Variants in GPR143 observed in about 807,000 individuals in gnomAD.
GPR143 encodes G-protein coupled receptor 143.
Under a neutral mutation model 27.6 loss-of-function variants are expected in GPR143, and 8 were observed. The observed-to-expected ratio is 0.29, with a 90% CI of 0.17 to 0.52. GPR143 has a LOEUF of 0.52. Ranked by LOEUF, GPR143 falls within the 20% of genes least tolerant of loss-of-function variation. The probability of loss-of-function intolerance (pLI) is 0.96; values close to 1 mark genes in which losing one functional copy is unlikely to be tolerated. For missense variants in GPR143, 303 were observed against 343.1 expected (o/e 0.88, Z 0.92); for synonymous variants, 156 against 153.2 (o/e 1.02, Z -0.13).
chrX:9,753,832 G>A (rs1298464600), intron 3 of GPR143, among the ~76,000 whole-genome samples: 1 of 112,054 alleles, frequency 8.9e-6, no homozygotes, highest in East Asian at 2.8e-4. Flanking sequence ...AGAAACAGCA[G>A]CTACTACATG....
chrX:9,754,376 G>A (rs953236949), intron 3 of GPR143, among the ~76,000 whole-genome samples: 3 of 111,659 alleles, frequency 2.7e-5, no homozygotes, highest in Non-Finnish European at 5.7e-5. Flanking sequence ...GGTGAGGGTT[G>A]GGGGTATGTC....
intron 6 of GPR143, 151 bp from the exon 7 acceptor site, chrX:9,741,606 G>T: frequency 6.9e-6 from 3 of 433,470 alleles, no homozygotes; most frequent in Non-Finnish European, 1.3e-5. Context: ...AACTAAGAGG[G>T]CCAGGTGCAA....
chrX:9,749,233 C>CCCT (rs1555914973), intron 3 of GPR143, among the ~76,000 whole-genome samples: 24 of 105,424 alleles, frequency 2.3e-4, no homozygotes, highest in African/African-American at 8.3e-4. Context: ...CCCTCCCCCC[C>CCCT]CAACCCCCTC....
Position 9,746,090 on chromosome X carries a change from C to T in GPR143, c.612G>A (p.Leu204=). The T allele has an allele frequency of 3.3e-6, 4 of 1,204,711 alleles. No homozygotes were observed. Among genetic ancestry groups the T allele is most frequent in the Non-Finnish European group, 4.5e-6 (4 of 889,113 alleles). ...HYVTMYLPLL[L]VLVANPILFQ... ...ACAGGATGGGGTTCGCCACGAGAAC[C>T]AGCAGCAGGGGCAGGTACATGGTGA... is the stretch of plus-strand genomic sequence containing the variant. Residue 204 remains leucine (L), a synonymous_variant, in exon 5 of 9, where the codon CTG becomes CTA. Transcript: ENST00000467482.
At chrX:9,764,526 A>G (rs979963750) in intron 1 of GPR143, among the ~76,000 whole-genome samples, 3 of 108,457 alleles carry the variant, frequency 2.8e-5, no homozygotes, top group African/African-American at 1.0e-4. Flanking sequence ...ACACACACAC[A>G]CACACACACA....
At chrX:9,765,155 A>G (rs1230316658) in intron 1 of GPR143, among the ~76,000 whole-genome samples, 2 of 112,448 alleles carry the variant, frequency 1.8e-5, no homozygotes, top group Non-Finnish European at 3.8e-5. Flanking sequence ...TCACCCGGGC[A>G]CCGATCAAGT....
Position 9,765,567 on chromosome X carries a change from C to A in GPR143, c.250+1G>T, listed in dbSNP as rs2146705592. On this transcript the variant is annotated splice_donor_variant, in intron 1 of 8. Coordinates refer to ENST00000467482, the MANE Select transcript of GPR143 (RefSeq NM_000273.3). LOFTEE classifies it high-confidence loss of function. ...AACCCGCGGGCCGCGCGCGCCCTTA[C>A]CCAGGCAGCCGAGAAGGTCGCAGGC... The A allele has an allele frequency of 9.3e-7, 1 of 1,079,807 alleles. No individual in the cohort carries two copies. 89.0% of individuals were successfully genotyped at this position (1,079,807 alleles called of 1,213,427 possible).
chrX:9,731,685 C>T (rs1037796437), intron 8 of GPR143, among the ~76,000 whole-genome samples: 2 of 107,215 alleles, frequency 1.9e-5, no homozygotes, highest in African/African-American at 6.8e-5. Flanking sequence ...GTGAGGAATA[C>T]AAAACATCAT....
chrX:9,730,581 G>A (rs1185438293), intron 8 of GPR143, among the ~76,000 whole-genome samples: 1 of 111,948 alleles, frequency 8.9e-6, no homozygotes, highest in Non-Finnish European at 1.9e-5. Flanking sequence ...CAATTCTTGG[G>A]CAGTGTCTCA....
At chrX:9,773,874 A>G (rs1004396820) in intron 1 of GPR143, among the ~76,000 whole-genome samples, 1 of 111,557 alleles carries the variant, frequency 9.0e-6, no homozygotes, top group Non-Finnish European at 1.9e-5. Flanking sequence ...CATAATAATA[A>G]TAAAGAATTT....
intron 6 of GPR143, among the ~76,000 whole-genome samples, chrX:9,742,297 C>T (rs184444521): frequency 9.0e-6 from 1 of 111,576 alleles, no homozygotes; most frequent in East Asian, 2.8e-4. Context: ...GAGACAAGGT[C>T]TCGCTCTGTC....
At chrX:9,743,347 T>G (rs2083413141) in intron 6 of GPR143, among the ~76,000 whole-genome samples, 1 of 110,336 alleles carries the variant, frequency 9.1e-6, no homozygotes, top group African/African-American at 3.3e-5. Context: ...TATATATAAT[T>G]TGAGTAGATT....
At chrX:9,742,198 A>T (rs1386320628) in intron 6 of GPR143, among the ~76,000 whole-genome samples, 1 of 111,974 alleles carries the variant, frequency 8.9e-6, no homozygotes, top group Admixed American at 9.5e-5. Context: ...AACTGAGTGT[A>T]TTTTTAGTAG....
At chrX:9,769,583 T>G (rs2083546286), upstream of GPR143, among the ~76,000 whole-genome samples, 2 of 111,657 alleles carry the variant, frequency 1.8e-5, no homozygotes, top group Admixed American at 9.6e-5. Context: ...TAAATAAGAT[T>G]TGTTTATTTA....
Position 9,763,119 on chromosome X carries a change from G to A in GPR143, c.251-2293C>T, listed in dbSNP as rs111405279. ...TTTTTGTTGTTTTTTTTTTCTTGGG[G>A]GTAGAGCCTGGGTCTCGTTACGTTG... On this transcript the variant is annotated intron_variant, in intron 1 of 8. Transcript: ENST00000467482. 4.6e-3 allele frequency among the ~76,000 whole-genome samples: 504 copies of A among 108,402 alleles called. 5 individuals carry two copies. Among genetic ancestry groups the A allele is most frequent in the African/African-American group, 0.016 (486 of 29,737 alleles). The allele number at this position is 108,402 out of a possible 115,157, so 94.1% of individuals were successfully genotyped here. A position where few individuals can be genotyped will look rare whatever the true frequency, so the allele number is the denominator to read the frequency against.
At chrX:9,760,616 C>T (rs2083493021) in intron 2 of GPR143, 101 bp downstream of exon 2, 11 of 523,397 alleles carry the variant, frequency 2.1e-5, no homozygotes, top group South Asian at 2.0e-4. Flanking sequence ...TGGGGCAGGA[C>T]GTGAGAACCT....
rs56761188 is a variant in GPR143 at position 9,747,009 on chromosome X, T to TAAA, written c.549-859_549-857dup. Among the ~76,000 whole-genome samples, 250 of 37,610 alleles carry TAAA rather than the reference T, an allele frequency of 6.6e-3. 5 individuals carry two copies. Among genetic ancestry groups the TAAA allele is most frequent in the African/African-American group, 0.018 (230 of 12,839 alleles). The allele number at this position is 37,610 out of a possible 115,157, so 32.7% of individuals were successfully genotyped here. A position where few individuals can be genotyped will look rare whatever the true frequency, so the allele number is the denominator to read the frequency against. On this transcript the variant is annotated intron_variant, in intron 4 of 8. Coordinates refer to ENST00000467482, the MANE Select transcript of GPR143 (RefSeq NM_000273.3). ...CCAGAGGGGAAAGTGGCAGAAAATG[T>TAAA]AAAAAAAAAAAAAAAAAAAAAAAAA...
In GPR143 at chrX:9,771,596, T is replaced by C. The variant is rs755006655; in HGVS notation, c.-2-10770A>G. 5.4e-5 allele frequency among the ~76,000 whole-genome samples: 6 copies of C among 110,959 alleles called. No homozygotes were observed. In the East Asian group the frequency reaches 1.7e-3, roughly 31 times the overall value. Reference sequence around the variant, plus strand: ...TGCCAAGACCCTAGAGCTTGTATCTTATCCTGAAAAGCAAAGAAAACTCCC... The same window carrying C: ...TGCCAAGACCCTAGAGCTTGTATCTCATCCTGAAAAGCAAAGAAAACTCCC... On this transcript the variant is annotated intron_variant, in intron 1 of 7. Transcript: ENST00000447366.
intron 8 of GPR143, among the ~76,000 whole-genome samples, chrX:9,736,527 C>A (rs892980807): frequency 9.0e-6 from 1 of 111,419 alleles, no homozygotes; most frequent in African/African-American, 3.3e-5. Flanking sequence ...TGGCCTCAAA[C>A]GATCCTCCTT....
Sources: allele counts gnomAD v4.1 joint callset (sites outside exome capture counted in the v4.1 genomes callset), GRCh38; gene constraint gnomAD v4.1.1; transcripts MANE v1.5; gene names NCBI Gene and HGNC (gene_info 2026-07-23, HGNC 2026-07-21).